The following TMEM217B variants were observed in gnomAD, a reference collection of about 807,000 sequenced individuals.
The protein encoded by TMEM217B is transmembrane protein 217B.
the TMEM217B span, chr6:37,218,840 C>A: frequency 6.2e-7 from 1 of 1,614,210 alleles, no homozygotes; most frequent in East Asian, 2.2e-5. Flanking sequence ...GATTTTAAAA[C>A]TCCAGCAGAT....
the TMEM217B span, among the ~76,000 whole-genome samples, chr6:37,230,501 T>A: frequency 6.6e-6 from 1 of 152,152 alleles, no homozygotes; most frequent in Admixed American, 6.5e-5. Flanking sequence ...AATTAGGTCA[T>A]TAGTGTCAGA....
chr6:37,226,562 G>T, the TMEM217B span, among the ~76,000 whole-genome samples: 1 of 151,572 alleles, frequency 6.6e-6, no homozygotes, highest in Non-Finnish European at 1.5e-5. Context: ...CACCCAAAGT[G>T]CTGGGATTAC....
At chr6:37,254,944 AC>A in the TMEM217B span, among the ~76,000 whole-genome samples, 1 of 152,200 alleles carries the variant, frequency 6.6e-6, no homozygotes, top group African/African-American at 2.4e-5. Context: ...GCGCAATGCA[AC>A]CTAGATCCCT....
the TMEM217B span, among the ~76,000 whole-genome samples, chr6:37,251,313 A>G: frequency 1.3e-5 from 2 of 152,260 alleles, no homozygotes; most frequent in South Asian, 4.1e-4. Context: ...GGACTGACCT[A>G]TGATATTTTG....
chr6:37,213,695 C>T, the TMEM217B span, among the ~76,000 whole-genome samples: 193 of 152,362 alleles, frequency 1.3e-3, 1 homozygote, highest in African/African-American at 4.3e-3. Context: ...TGGCAGGGAG[C>T]AGGAACCTGG....
chr6:37,225,198 T>TA, the TMEM217B span, among the ~76,000 whole-genome samples: 2 of 151,240 alleles, frequency 1.3e-5, no homozygotes, highest in Middle Eastern at 3.4e-3. Flanking sequence ...AGACTCTGAC[T>TA]AAAAAAAAGA....
At chr6:37,214,263 T>C in the TMEM217B span, among the ~76,000 whole-genome samples, 119,123 of 152,098 alleles carry the variant, frequency 0.78, 46,761 homozygotes, top group East Asian at 0.89. Flanking sequence ...AGTCTTGCTC[T>C]GTCACCCAGG....
At chr6:37,212,993 C>T in the TMEM217B span, 1 of 1,535,256 alleles carries the variant, frequency 6.5e-7, no homozygotes. Flanking sequence ...TACCAGAGCA[C>T]CTCCTGCAGG....
chr6:37,249,673 T>C, the TMEM217B span, among the ~76,000 whole-genome samples: 1 of 152,218 alleles, frequency 6.6e-6, no homozygotes, highest in Non-Finnish European at 1.5e-5. Flanking sequence ...ACTTTTCTGT[T>C]TCCTGTTCAA....
the TMEM217B span, among the ~76,000 whole-genome samples, chr6:37,246,862 C>T: frequency 6.6e-6 from 1 of 151,294 alleles, no homozygotes; most frequent in Non-Finnish European, 1.5e-5. Context: ...ATGATTGTGC[C>T]ACTGCGTTCT....
the TMEM217B span, among the ~76,000 whole-genome samples, chr6:37,234,654 T>C: frequency 1.3e-5 from 2 of 152,088 alleles, 1 homozygote; most frequent in Non-Finnish European, 2.9e-5. Context: ...GAGAATTACT[T>C]GAACCTAGGA....
chr6:37,217,513 C>T, the TMEM217B span: 3 of 483,364 alleles, frequency 6.2e-6, no homozygotes, highest in Non-Finnish European at 5.4e-6. Context: ...ACAGTGTTCA[C>T]ACTACAGAGT....
chr6:37,235,374 A>ATT, the TMEM217B span, among the ~76,000 whole-genome samples: 23 of 151,118 alleles, frequency 1.5e-4, no homozygotes, highest in African/African-American at 5.6e-4. Flanking sequence ...TTTTATTATT[A>ATT]TTTTTTTTTG....
chr6:37,214,434 C>T, the TMEM217B span, among the ~76,000 whole-genome samples: 1 of 152,174 alleles, frequency 6.6e-6, no homozygotes, highest in Non-Finnish European at 1.5e-5. Flanking sequence ...ACCATGTTGG[C>T]CAGGCTGGTC....
At chr6:37,216,453 G>T in the TMEM217B span, among the ~76,000 whole-genome samples, 1 of 152,170 alleles carries the variant, frequency 6.6e-6, no homozygotes, top group East Asian at 1.9e-4. Context: ...GGTGGAGGTA[G>T]GCAGAGCAGT....
chr6:37,235,541 A>T, the TMEM217B span, among the ~76,000 whole-genome samples: 1 of 150,826 alleles, frequency 6.6e-6, no homozygotes, highest in East Asian at 2.0e-4. Flanking sequence ...AATTTTTTCT[A>T]TTTTTTAGTA....
At chr6:37,212,991 C>T in the TMEM217B span, 1 of 1,536,972 alleles carries the variant, frequency 6.5e-7, no homozygotes, top group Non-Finnish European at 8.8e-7. Flanking sequence ...TTTACCAGAG[C>T]ACCTCCTGCA....
the TMEM217B span, among the ~76,000 whole-genome samples, chr6:37,230,636 CA>C: frequency 2.0e-5 from 3 of 151,924 alleles, no homozygotes; most frequent in Non-Finnish European, 2.9e-5. Flanking sequence ...AAAAAAGCCT[CA>C]AAAAAACCCC....
the TMEM217B span, among the ~76,000 whole-genome samples, chr6:37,255,248 C>T: frequency 1.3e-5 from 2 of 152,144 alleles, no homozygotes; most frequent in Non-Finnish European, 1.5e-5. Flanking sequence ...AGAAAGAAAG[C>T]ATAATGAGAT....
Sources: gnomAD v4.1 joint callset for allele counts (sites outside exome capture counted in the v4.1 genomes callset) on GRCh38, gnomAD v4.1.1 for gene constraint, MANE v1.5 for transcripts, NCBI Gene and HGNC (gene_info 2026-07-23, HGNC 2026-07-21) for gene names.